The following ARID1B variants were observed in gnomAD, a reference collection of about 807,000 sequenced individuals.
ARID1B encodes the protein AT-rich interactive domain-containing protein 1B.
Under a neutral mutation model 212.3 loss-of-function variants are expected in ARID1B, and 30 were observed. That is an observed-to-expected ratio of 0.14 (90% confidence interval 0.11 to 0.19). ARID1B has a LOEUF of 0.19. Ranked by LOEUF, ARID1B falls within the 10% of genes least tolerant of loss-of-function variation. ARID1B has a pLI of 1.00. For missense variants in ARID1B, 2,891 were observed against 3,204.0 expected (o/e 0.90, Z 2.36); for synonymous variants, 1,402 against 1,301.7 (o/e 1.08, Z -1.66).
intron 6 of ARID1B, among the ~76,000 whole-genome samples, chr6:157,130,947 C>T (rs531873979): frequency 2.1e-4 from 32 of 152,306 alleles, no homozygotes; most frequent in African/African-American, 7.0e-4. Flanking sequence ...TGGATAATGT[C>T]AGCTTTTTCT....
At chr6:157,143,317 A>G (rs1789500256) in intron 7 of ARID1B, among the ~76,000 whole-genome samples, 2 of 152,146 alleles carry the variant, frequency 1.3e-5, no homozygotes, top group African/African-American at 4.8e-5. Context: ...TTACTAACCT[A>G]TTAGAGAAAC....
chr6:156,785,467 C>G (rs1287290544), intron 1 of ARID1B, among the ~76,000 whole-genome samples: 1 of 151,978 alleles, frequency 6.6e-6, no homozygotes, highest in Non-Finnish European at 1.5e-5. Flanking sequence ...AAATCCTGGA[C>G]CATAATGCTA....
intron 5 of ARID1B, among the ~76,000 whole-genome samples, chr6:157,092,596 G>T (rs1173516837): frequency 2.0e-5 from 3 of 152,134 alleles, no homozygotes; most frequent in Admixed American, 1.3e-4. Context: ...TTTCATTCCA[G>T]CAAACTTCAA....
rs1318542927 is a variant in ARID1B at position 156,911,812 on chromosome 6, T to C, written c.2136+10287T>C. ...CAGGTGCAAACGAGGCTGCTACAGA[T>C]GTGTGGGATGAACAGCTCAAAACCA... On this transcript the variant is annotated intron_variant, in intron 3 of 19. Transcript: ENST00000636930. Among the ~76,000 whole-genome samples, 3 of 152,156 alleles carry C rather than the reference T, an allele frequency of 2.0e-5. 1 individual carries two copies. Among genetic ancestry groups the C allele is most frequent in the African/African-American group, 4.8e-5 (2 of 41,432 alleles).
At chr6:157,180,559 T>C (rs1176715393) in intron 11 of ARID1B, among the ~76,000 whole-genome samples, 2 of 152,166 alleles carry the variant, frequency 1.3e-5, no homozygotes, top group African/African-American at 4.8e-5. Context: ...AGGAGTCCAT[T>C]TAATGTTTTG....
chr6:156,929,339 A>G (rs1209786705), intron 3 of ARID1B, among the ~76,000 whole-genome samples: 3 of 152,184 alleles, frequency 2.0e-5, no homozygotes, highest in Admixed American at 2.0e-4. Context: ...TACACACAGA[A>G]AGTGGAGGGA....
intron 11 of ARID1B, among the ~76,000 whole-genome samples, chr6:157,179,881 T>C (rs1792380623): frequency 6.6e-6 from 1 of 151,886 alleles, no homozygotes; most frequent in Non-Finnish European, 1.5e-5. Context: ...CCCCTAAACC[T>C]TCAAAAATAT....
Position 157,076,623 on chromosome 6 carries a change from G to GT in ARID1B, c.2248-8030dup, listed in dbSNP as rs778052482. On this transcript the variant is annotated intron_variant, in intron 4 of 19. Coordinates refer to ENST00000636930, the MANE Select transcript of ARID1B (RefSeq NM_001374828.1). ...AAGATAAACAGTAAAGTTGTTGTGGGTTTTTTTTTACCATGAGAGATGGAA... is the reference window on the plus strand; with the variant it reads ...AAGATAAACAGTAAAGTTGTTGTGGGTTTTTTTTTTACCATGAGAGATGGAA... Among the ~76,000 whole-genome samples, 886 of 150,938 alleles carry GT rather than the reference G, an allele frequency of 5.9e-3. 3 individuals are homozygous for GT. Among genetic ancestry groups the GT allele is most frequent in the African/African-American group, 0.02 (813 of 41,244 alleles).
chr6:156,789,055 T>A (rs1779842860), intron 1 of ARID1B, among the ~76,000 whole-genome samples: 1 of 152,250 alleles, frequency 6.6e-6, no homozygotes, highest in Admixed American at 6.5e-5. Flanking sequence ...ATCTAAGAAG[T>A]ATTTATGGAG....
Position 156,778,292 on chromosome 6 carries a change from ACAG to A in ARID1B, c.633_635del (p.Gln214del), listed in dbSNP as rs587779744. The A allele has an allele frequency of 2.1e-4, 312 of 1,485,114 alleles. 1 individual carries two copies. The highest frequency in any genetic ancestry group is 5.9e-4 in the South Asian group (47 of 80,164). 92.0% of individuals were successfully genotyped at this position (1,485,114 alleles called of 1,614,324 possible). ...TCCAGCAGCAGCAGCAGCAGCAGCA[ACAG>A]CAGCAGCAGCAGCAGCAGCAACAGC... On this transcript the variant is annotated inframe_deletion, in exon 1 of 20. Transcript: ENST00000636930.
At chr6:156,967,408 A>G (rs17322427) in intron 4 of ARID1B, among the ~76,000 whole-genome samples, 40,656 of 152,130 alleles carry the variant, frequency 0.27, 5,858 homozygotes, top group Non-Finnish European at 0.32. Context: ...ATGAAGATAA[A>G]TTAGCTGTCA....
intron 4 of ARID1B, chr6:157,071,241 C>T (rs1783986943): frequency 6.6e-6 from 1 of 152,118 alleles, no homozygotes; most frequent in Non-Finnish European, 1.5e-5. Flanking sequence ...AGGTGCACTC[C>T]ACACAAGGGC....
intron 3 of ARID1B, among the ~76,000 whole-genome samples, chr6:156,929,089 A>C (rs1791487582): frequency 6.6e-6 from 1 of 152,196 alleles, no homozygotes; most frequent in Admixed American, 6.5e-5. Context: ...AAATGACTTC[A>C]GTTTTTGTTT....
At chr6:157,196,044 G>A (rs1256037842) in intron 15 of ARID1B, 121 bp from the exon 16 acceptor site, 3 of 1,268,898 alleles carry the variant, frequency 2.4e-6, no homozygotes, top group African/African-American at 3.0e-5. Flanking sequence ...GGGCGACAGA[G>A]TGAGACTCCA....
At chr6:156,866,947 G>A (rs538111020) in intron 2 of ARID1B, among the ~76,000 whole-genome samples, 1 of 152,176 alleles carries the variant, frequency 6.6e-6, no homozygotes, top group Non-Finnish European at 1.5e-5. Context: ...TTTATTTTCT[G>A]TACAGACATA....
intron 4 of ARID1B, among the ~76,000 whole-genome samples, chr6:156,970,201 C>T (rs1463694627): frequency 6.6e-6 from 1 of 152,052 alleles, no homozygotes; most frequent in Admixed American, 6.5e-5. Context: ...CTGCCTCAGC[C>T]TCCTGAGTAG....
intron 4 of ARID1B, among the ~76,000 whole-genome samples, chr6:156,966,714 T>C (rs1038950528): frequency 2.0e-5 from 3 of 150,790 alleles, no homozygotes; most frequent in African/African-American, 7.3e-5. Flanking sequence ...TTTGTTTTTT[T>C]GCTTTGAGAC....
chr6:157,021,113 TGA>T (rs1260065324), intron 4 of ARID1B, among the ~76,000 whole-genome samples: 6 of 150,458 alleles, frequency 4.0e-5, no homozygotes, highest in African/African-American at 7.3e-5. Flanking sequence ...AGGGCCCGCT[TGA>T]GAGAGGGGGA....
In ARID1B at chr6:156,880,739, CAA is replaced by C. The variant is rs141153792; in HGVS notation, c.1987-20613_1987-20612del. 6.9e-5 allele frequency among the ~76,000 whole-genome samples: 6 copies of C among 86,970 alleles called. No homozygotes were observed. The South Asian group carries it at 1.9e-3, about 28-fold the overall frequency. 57.1% of individuals were successfully genotyped at this position (86,970 alleles called of 152,430 possible). ...TGGGCCACGGAGCGAGACTCTGTCT[CAA>C]AAAAAAAAAAAAAAAAAAAAAAAGA... On this transcript the variant is annotated intron_variant, in intron 2 of 19. Coordinates refer to ENST00000636930, the MANE Select transcript of ARID1B (RefSeq NM_001374828.1).
Sources: gnomAD v4.1 joint callset for allele counts (sites outside exome capture counted in the v4.1 genomes callset) on GRCh38, gnomAD v4.1.1 for gene constraint, MANE v1.5 for transcripts, NCBI Gene and HGNC (gene_info 2026-07-23, HGNC 2026-07-21) for gene names.